The following GLCCI1 variants were observed in gnomAD, a reference collection of about 807,000 sequenced individuals.
GLCCI1 encodes glucocorticoid-induced transcript 1 protein.
A neutral mutation model predicts 52.2 loss-of-function variants in GLCCI1; 24 were observed. That is an observed-to-expected ratio of 0.46 (90% CI 0.33 to 0.65). The LOEUF (loss-of-function observed/expected upper bound fraction) is 0.65, where lower values mean the gene tolerates loss of function less well. Ranked by LOEUF, GLCCI1 falls within the 30% of genes least tolerant of loss-of-function variation. The pLI, the probability that GLCCI1 is intolerant of heterozygous loss-of-function variation, is 0.02. For synonymous variants in GLCCI1, 310 were observed against 276.5 expected (o/e 1.12, Z -1.20); for missense variants, 704 against 701.5 (o/e 1.00, Z -0.04).
intron 1 of GLCCI1, among the ~76,000 whole-genome samples, chr7:7,997,926 C>CAAATAAAT (rs55772533): frequency 9.5e-4 from 133 of 139,268 alleles, no homozygotes; most frequent in South Asian, 1.9e-3. Flanking sequence ...GACTCTGTCT[C>CAAATAAAT]AAATAAATAA....
Position 7,969,302 on chromosome 7 carries a change from C to A in GLCCI1, c.-49C>A. ...CTCCCACACGCTCGCGCGCCTCCCG[C>A]CCCGCGCCTCCGTGTCGGCCGGCGG... On this transcript the variant is annotated 5_prime_UTR_variant, in exon 1 of 8. Coordinates refer to ENST00000223145, the MANE Select transcript of GLCCI1 (RefSeq NM_138426.4). The surrounding 1 kb of genome is among the most constrained non-coding windows in gnomAD (Gnocchi z 4.9). 2 of 1,381,724 alleles carry A rather than the reference C, an allele frequency of 1.4e-6. No homozygotes were observed. The highest frequency in any genetic ancestry group is 1.9e-6 in the Non-Finnish European group (2 of 1,059,866). 85.6% of individuals were successfully genotyped at this position (1,381,724 alleles called of 1,614,324 possible). A position where few individuals can be genotyped will look rare whatever the true frequency, so the allele number is the denominator to read the frequency against.
intron 6 of GLCCI1, among the ~76,000 whole-genome samples, chr7:8,079,582 A>C (rs1782951343): frequency 6.6e-6 from 1 of 151,594 alleles, no homozygotes; most frequent in South Asian, 2.1e-4. Flanking sequence ...TAGCATATCA[A>C]CAATAATGAT....
chr7:7,988,763 A>C lies in GLCCI1; in HGVS notation c.458-15145A>C, dbSNP rs2115414201. Among the ~76,000 whole-genome samples, 2 of 152,308 alleles carry C rather than the reference A, an allele frequency of 1.3e-5. 1 individual carries two copies. The highest frequency in any genetic ancestry group is 4.1e-4 in the South Asian group (2 of 4,826). On this transcript the variant is annotated intron_variant, in intron 1 of 7. Coordinates refer to ENST00000223145, the MANE Select transcript of GLCCI1 (RefSeq NM_138426.4). ...TTAGACAAATAGAGTTATTAATAAT[A>C]CAAAAAGTCTTCTATAGTAGACTCC...
intron 3 of GLCCI1, among the ~76,000 whole-genome samples, chr7:8,040,261 G>A (rs1168360115): frequency 6.6e-6 from 1 of 152,058 alleles, no homozygotes; most frequent in Non-Finnish European, 1.5e-5. Context: ...TGAGATGGAA[G>A]GATCTTTTGA....
At chr7:8,062,231 A>G (rs1782535559) in intron 5 of GLCCI1, among the ~76,000 whole-genome samples, 1 of 152,212 alleles carries the variant, frequency 6.6e-6, no homozygotes, top group Admixed American at 6.5e-5. Flanking sequence ...TAGATTTATG[A>G]TTAAGTGTAC....
At position 8,063,178 on chromosome 7, in the gene GLCCI1, C is replaced by T. The variant is rs112931976; in HGVS notation, c.966+2930C>T. ...TTGTTAACGGAGTCTCGCTCTGTTG[C>T]CCAGGTTGGAGTGCAATGGCGTGAT... On this transcript the variant is annotated intron_variant, in intron 5 of 7. Coordinates refer to ENST00000223145, the MANE Select transcript of GLCCI1 (RefSeq NM_138426.4). Among the ~76,000 whole-genome samples the T allele has an allele frequency of 2.8e-4, 43 of 152,220 alleles. 1 individual carries two copies. Among genetic ancestry groups the T allele is most frequent in the South Asian group, 6.2e-4 (3 of 4,818 alleles).
At chr7:8,065,940 C>T (rs965005627) in intron 5 of GLCCI1, among the ~76,000 whole-genome samples, 1 of 152,074 alleles carries the variant, frequency 6.6e-6, no homozygotes, top group East Asian at 1.9e-4. Context: ...GAAGTCCCTC[C>T]CCCTCAATTT....
intron 1 of GLCCI1, among the ~76,000 whole-genome samples, chr7:7,977,515 A>G (rs545232284): frequency 3.3e-4 from 50 of 152,354 alleles, no homozygotes; most frequent in Admixed American, 2.0e-4. Context: ...TCGTAGAGGC[A>G]TAAATGTATC....
At position 8,052,833 on chromosome 7, in the gene GLCCI1, C is replaced by T. The variant is rs535074791; in HGVS notation, c.697-2600C>T. The stretch of plus-strand genomic sequence containing the variant: ...CTTCTCTTTTTTTCTTCCCAAAGCC[C>T]CCAAATCCTGCTTCCTTTCTCACTG... On this transcript the variant is annotated intron_variant, in intron 3 of 7. Transcript: ENST00000223145. Among the ~76,000 whole-genome samples the T allele has an allele frequency of 2.6e-5, 4 of 152,126 alleles. No homozygotes were observed. In the South Asian group the frequency reaches 8.3e-4, roughly 32 times the overall value.
intron 1 of GLCCI1, among the ~76,000 whole-genome samples, chr7:7,977,717 G>C (rs920163612): frequency 2.6e-5 from 4 of 152,180 alleles, no homozygotes; most frequent in African/African-American, 9.7e-5. Context: ...TATTAGACTA[G>C]ATGATTCTTA....
chr7:8,069,483 C>T (rs527417605), intron 5 of GLCCI1, among the ~76,000 whole-genome samples: 2 of 152,224 alleles, frequency 1.3e-5, no homozygotes, highest in South Asian at 2.1e-4. Context: ...AACACAGATC[C>T]GTTGCTACTG....
chr7:7,997,614 TTAAAA>T (rs1208592744), intron 1 of GLCCI1, among the ~76,000 whole-genome samples: 1 of 152,100 alleles, frequency 6.6e-6, no homozygotes, highest in Non-Finnish European at 1.5e-5. Context: ...TGACTACCTG[TTAAAA>T]TAAAGGTTTT....
intron 2 of GLCCI1, among the ~76,000 whole-genome samples, chr7:8,008,225 G>C (rs552625025): frequency 9.8e-4 from 149 of 151,546 alleles, no homozygotes; most frequent in Non-Finnish European, 1.7e-3. Flanking sequence ...ATCTCCCAAG[G>C]ACTCCTAGCC....
chr7:8,055,585 T>G lies in GLCCI1; in HGVS notation c.813+36T>G, dbSNP rs772446168. The G allele has an allele frequency of 1.3e-5, 15 of 1,191,464 alleles. 1 individual carries two copies. In the South Asian group the frequency reaches 1.6e-4, roughly 13 times the overall value. The allele number at this position is 1,191,464 out of a possible 1,614,324, so 73.8% of individuals were successfully genotyped here. On this transcript the variant is annotated intron_variant, in intron 4 of 7. Transcript: ENST00000223145. ...TTCTTGTCCAGATTTGAATAATTAC[T>G]TTTAGTTCATTAAGGAAGGGAATTC...
At chr7:7,979,035 A>G (rs1197829250) in intron 1 of GLCCI1, among the ~76,000 whole-genome samples, 1 of 152,226 alleles carries the variant, frequency 6.6e-6, no homozygotes, top group Admixed American at 6.5e-5. Flanking sequence ...GAATCAATCA[A>G]CAGTCCTCTT....
chr7:7,970,223 G>C (rs1430358622), intron 1 of GLCCI1, among the ~76,000 whole-genome samples: 5 of 152,296 alleles, frequency 3.3e-5, no homozygotes, highest in African/African-American at 4.8e-5. Context: ...TAACGTGCCT[G>C]TAACTACCGG....
At chr7:8,063,894 T>G (rs1480910696) in intron 5 of GLCCI1, among the ~76,000 whole-genome samples, 2 of 152,166 alleles carry the variant, frequency 1.3e-5, no homozygotes, top group Non-Finnish European at 2.9e-5. Context: ...GTGCTAGGAT[T>G]ATAATTACAG....
At chr7:8,005,102 C>G (rs980343955) in intron 2 of GLCCI1, among the ~76,000 whole-genome samples, 1 of 152,106 alleles carries the variant, frequency 6.6e-6, no homozygotes, top group East Asian at 1.9e-4. Context: ...ATATGGCAGG[C>G]AGTGGAATTT....
intron 1 of GLCCI1, among the ~76,000 whole-genome samples, chr7:7,991,065 A>G (rs564947646): frequency 8.2e-4 from 125 of 152,246 alleles, no homozygotes; most frequent in African/African-American, 2.9e-3. Context: ...TTTGCTTTGC[A>G]GCAGTAGATT....
Sources: allele counts gnomAD v4.1 joint callset (sites outside exome capture counted in the v4.1 genomes callset), GRCh38; gene constraint gnomAD v4.1.1; non-coding constraint Gnocchi (gnomAD v3.1); transcripts MANE v1.5; gene names NCBI Gene and HGNC (gene_info 2026-07-23, HGNC 2026-07-21).